GAP43: variants seen among roughly 807,000 people sequenced by gnomAD.
GAP43 encodes neuromodulin.
Under a neutral mutation model 18.6 loss-of-function variants are expected in GAP43, and 6 were observed. The ratio of observed to expected loss-of-function variants is 0.32; its 90% CI spans 0.18 to 0.64. The LOEUF (loss-of-function observed/expected upper bound fraction) is 0.64. GAP43 is among the 30% of genes least tolerant of loss of function. The probability of loss-of-function intolerance (pLI) is 0.78; values close to 1 mark genes in which losing one functional copy is unlikely to be tolerated. For missense variants in GAP43, 292 were observed against 295.5 expected (o/e 0.99, Z 0.09); for synonymous variants, 115 against 111.4 (o/e 1.03, Z -0.20).
chr3:115,720,854 A>C lies in GAP43; in HGVS notation c.689A>C (p.Glu230Ala). 6.2e-7 allele frequency: 1 copy of C among 1,612,950 alleles called. No homozygotes were observed. Among genetic ancestry groups the C allele is most frequent in the African/African-American group, 1.3e-5 (1 of 74,926 alleles). Reference sequence around the variant, plus strand: ...CGGCAGGACGAGGGTAAAGAAGAGGAACCTGAGGCTGACCAAGAACATGCC... The same window carrying C: ...CGGCAGGACGAGGGTAAAGAAGAGGCACCTGAGGCTGACCAAGAACATGCC... The part of the protein sequence containing the change: ...SARQDEGKEE[E>A]PEADQEHA Residue 230 changes from glutamate (E) to alanine (A), a missense_variant, in exon 3 of 3, where the codon GAA becomes GCA. Transcript: ENST00000305124.
intron 1 of GAP43, among the ~76,000 whole-genome samples, chr3:115,673,900 A>G (rs1395240832): frequency 1.3e-5 from 2 of 152,204 alleles, no homozygotes; most frequent in Non-Finnish European, 2.9e-5. Flanking sequence ...CTTGAATTTG[A>G]CTGAGAAAAT....
At chr3:115,624,017 G>C (rs1708151075) in intron 1 of GAP43, among the ~76,000 whole-genome samples, 1 of 152,022 alleles carries the variant, frequency 6.6e-6, no homozygotes, top group Non-Finnish European at 1.5e-5. Context: ...TGGTCTTGAG[G>C]GTGTGGACGT....
rs775779477 is a variant in GAP43 at position 115,676,202 on chromosome 3, G to T, written c.220G>T (p.Val74Phe). 6.2e-7 allele frequency: 1 copy of T among 1,614,186 alleles called. No homozygotes were observed. Among genetic ancestry groups the T allele is most frequent in the Non-Finnish European group, 8.5e-7 (1 of 1,180,034 alleles). Residue 74 changes from valine (V) to phenylalanine (F), a missense_variant, in exon 2 of 3, where the codon GTT becomes TTT. By Grantham distance (50) the Val-to-Phe change is conservative. Transcript: ENST00000305124. ...AGCTAATAAGAAGGATGAAGCCCCTGTTGCCGATGGGGTGGAGAAGAAGGG... is the reference window on the plus strand; with the variant it reads ...AGCTAATAAGAAGGATGAAGCCCCTTTTGCCGATGGGGTGGAGAAGAAGGG... ...AEANKKDEAP[V>F]ADGVEKKGEG...
intron 1 of GAP43, among the ~76,000 whole-genome samples, chr3:115,652,413 T>G (rs35019222): frequency 7.1e-6 from 1 of 140,056 alleles, no homozygotes; most frequent in Non-Finnish European, 1.5e-5. Flanking sequence ...TGTTGAGTCT[T>G]GCTCTGTTGT....
intron 1 of GAP43, among the ~76,000 whole-genome samples, chr3:115,657,092 T>C (rs1708593634): frequency 6.6e-6 from 1 of 152,068 alleles, no homozygotes; most frequent in Admixed American, 6.6e-5. Flanking sequence ...ATAATGAGAG[T>C]CTCAAGATAA....
At chr3:115,659,910 C>CCA (rs1708636489) in intron 1 of GAP43, among the ~76,000 whole-genome samples, 1 of 152,176 alleles carries the variant, frequency 6.6e-6, no homozygotes, top group Admixed American at 6.5e-5. Flanking sequence ...CCCCCTCCCC[C>CCA]GCAACTAGGA....
At chr3:115,718,799 G>C (rs1709541951) in intron 2 of GAP43, among the ~76,000 whole-genome samples, 1 of 152,114 alleles carries the variant, frequency 6.6e-6, no homozygotes, top group African/African-American at 2.4e-5. Flanking sequence ...CAAAAAATAA[G>C]CATTTCTGCT....
At chr3:115,697,475 C>A (rs994096316) in intron 2 of GAP43, among the ~76,000 whole-genome samples, 3 of 152,124 alleles carry the variant, frequency 2.0e-5, no homozygotes, top group Non-Finnish European at 4.4e-5. Flanking sequence ...TCCTAATGAC[C>A]GGAAGATGAT....
At chr3:115,634,536 G>A (rs1436426062) in intron 1 of GAP43, among the ~76,000 whole-genome samples, 3 of 152,204 alleles carry the variant, frequency 2.0e-5, no homozygotes, top group Non-Finnish European at 1.5e-5. Flanking sequence ...AGAAATTCGG[G>A]AGGCTGAGGC....
Position 115,659,671 on chromosome 3 carries a change from G to C in GAP43, c.31-16342G>C, listed in dbSNP as rs559351297. ...AGGTGTCAGGCAGCAAGCTTCTTAG[G>C]GTCAGAATGGGTCCCCATCCCTAAA... On this transcript the variant is annotated intron_variant, in intron 1 of 2. Transcript: ENST00000305124. Among the ~76,000 whole-genome samples the C allele has an allele frequency of 3.9e-5, 6 of 152,176 alleles. No individual in the cohort carries two copies. In the East Asian group the frequency reaches 1.2e-3, roughly 29 times the overall value.
At chr3:115,663,883 T>G (rs373081251) in intron 1 of GAP43, 105 of 1,552,036 alleles carry the variant, frequency 6.8e-5, no homozygotes, top group Middle Eastern at 1.7e-4. Context: ...CTAGTCCTTA[T>G]TCACTTGGCT....
intron 2 of GAP43, among the ~76,000 whole-genome samples, chr3:115,715,709 T>C (rs1449371277): frequency 2.6e-5 from 4 of 152,234 alleles, no homozygotes; most frequent in Non-Finnish European, 5.9e-5. Context: ...GATTTTATAC[T>C]ACAGAAGACT....
chr3:115,698,174 A>C (rs928288553), intron 2 of GAP43, among the ~76,000 whole-genome samples: 12 of 16,436 alleles, frequency 7.3e-4, no homozygotes, highest in Non-Finnish European at 1.6e-3. Flanking sequence ...AAATATATTA[A>C]ATAATATATA....
chr3:115,689,068 C>A (rs2107357302), intron 2 of GAP43, among the ~76,000 whole-genome samples: 1 of 152,290 alleles, frequency 6.6e-6, no homozygotes, highest in Non-Finnish European at 1.5e-5. Context: ...TTGCTTTCTC[C>A]CTTGAGCTTC....
intron 1 of GAP43, among the ~76,000 whole-genome samples, chr3:115,652,548 C>T (rs1246652080): frequency 6.6e-6 from 1 of 151,594 alleles, no homozygotes; most frequent in Non-Finnish European, 1.5e-5. Flanking sequence ...CCATGCCCAG[C>T]TAATTTTTAA....
chr3:115,701,649 T>A (rs911496778), intron 2 of GAP43, among the ~76,000 whole-genome samples: 1 of 152,064 alleles, frequency 6.6e-6, no homozygotes, highest in African/African-American at 2.4e-5. Context: ...GCTGACAGAT[T>A]TCCCCAAATG....
At chr3:115,669,797 C>T (rs192158658) in intron 1 of GAP43, among the ~76,000 whole-genome samples, 27 of 151,952 alleles carry the variant, frequency 1.8e-4, no homozygotes, top group Non-Finnish European at 1.5e-5. Context: ...GAAAAGTTAA[C>T]ATTACTACTG....
At chr3:115,709,566 G>A (rs1023587586) in intron 2 of GAP43, among the ~76,000 whole-genome samples, 1 of 152,090 alleles carries the variant, frequency 6.6e-6, no homozygotes, top group African/African-American at 2.4e-5. Context: ...TAGAATTAAA[G>A]GTTAGTAAAT....
intron 1 of GAP43, among the ~76,000 whole-genome samples, chr3:115,664,354 TACC>T (rs1270540264): frequency 1.3e-5 from 2 of 152,100 alleles, no homozygotes. Flanking sequence ...ATAAAATATT[TACC>T]ATATAATTCA....
Sources: allele counts gnomAD v4.1 joint callset (sites outside exome capture counted in the v4.1 genomes callset), GRCh38; gene constraint gnomAD v4.1.1; transcripts MANE v1.5; gene names NCBI Gene and HGNC (gene_info 2026-07-23, HGNC 2026-07-21).